The following FRMD5 variants were observed in gnomAD, a reference collection of about 807,000 sequenced individuals.
The protein encoded by FRMD5 is FERM domain-containing protein 5.
In FRMD5, 20 loss-of-function variants were observed where a neutral mutation model predicts 69.0. The ratio of observed to expected loss-of-function variants is 0.29; its 90% CI spans 0.20 to 0.42. FRMD5 has a LOEUF of 0.42. Ranked by LOEUF, FRMD5 falls within the 10% of genes least tolerant of loss-of-function variation. The pLI, the probability that FRMD5 is intolerant of heterozygous loss-of-function variation, is 1.00. For synonymous variants in FRMD5, 271 were observed against 260.1 expected (o/e 1.04, Z -0.40); for missense variants, 595 against 708.6 (o/e 0.84, Z 1.82).
At chr15:43,985,749 G>A (rs1441388284) in intron 1 of FRMD5, among the ~76,000 whole-genome samples, 6 of 152,110 alleles carry the variant, frequency 3.9e-5, no homozygotes, top group Non-Finnish European at 5.9e-5. Context: ...ACAAGCTAGC[G>A]GGGCAAATCA....
chr15:44,185,354 G>T (rs933959225), intron 1 of FRMD5, among the ~76,000 whole-genome samples: 1 of 152,188 alleles, frequency 6.6e-6, no homozygotes, highest in African/African-American at 2.4e-5. Flanking sequence ...GAGCTGAGGG[G>T]CTATTCTGTT....
At chr15:43,919,228 G>C (rs771039546) in intron 4 of FRMD5, 45 of 669,730 alleles carry the variant, frequency 6.7e-5, no homozygotes, top group Non-Finnish European at 9.3e-5. Context: ...ACCAGTTCAA[G>C]AGGTAGTATT....
chr15:44,073,455 A>T (rs1893625040), intron 1 of FRMD5, among the ~76,000 whole-genome samples: 1 of 152,246 alleles, frequency 6.6e-6, no homozygotes. Context: ...TAAATGGATA[A>T]GGACTTGTAA....
chr15:43,934,857 G>A (rs961419397), intron 1 of FRMD5, among the ~76,000 whole-genome samples: 2 of 152,200 alleles, frequency 1.3e-5, no homozygotes, highest in African/African-American at 4.8e-5. Context: ...TTCTATATGC[G>A]AGGGCTTTAG....
chr15:44,177,968 G>A (rs1449464092), intron 1 of FRMD5, among the ~76,000 whole-genome samples: 1 of 152,138 alleles, frequency 6.6e-6, no homozygotes, highest in African/African-American at 2.4e-5. Flanking sequence ...AAAATTCATA[G>A]AACTGTACAG....
chr15:44,042,940 A>G (rs950695814), intron 1 of FRMD5, among the ~76,000 whole-genome samples: 2 of 152,224 alleles, frequency 1.3e-5, no homozygotes, highest in East Asian at 1.9e-4. Flanking sequence ...CAATCAGGCA[A>G]GAGAAAGAAA....
chr15:44,031,154 G>A (rs564412672), intron 1 of FRMD5, among the ~76,000 whole-genome samples: 1 of 151,846 alleles, frequency 6.6e-6, no homozygotes, highest in Admixed American at 6.6e-5. Flanking sequence ...TACCTGCTTG[G>A]GTGATAAAAA....
At chr15:44,093,958 C>T (rs2076513797) in intron 1 of FRMD5, among the ~76,000 whole-genome samples, 1 of 152,092 alleles carries the variant, frequency 6.6e-6, no homozygotes, top group Admixed American at 6.6e-5. Flanking sequence ...ATAATACTTG[C>T]ATTTTTGGGG....
At chr15:43,894,664 T>TGGGAGGGAAGGCAG (rs2088872770) in intron 7 of FRMD5, among the ~76,000 whole-genome samples, 1 of 150,458 alleles carries the variant, frequency 6.6e-6, no homozygotes, top group African/African-American at 2.4e-5. Flanking sequence ...GGAAGGGAGT[T>TGGGAGGGAAGGCAG]GGGAGGGAAG....
chr15:44,003,951 AG>A (rs1473074933), intron 1 of FRMD5, among the ~76,000 whole-genome samples: 56 of 152,234 alleles, frequency 3.7e-4, no homozygotes, highest in African/African-American at 1.4e-3. Context: ...AATGGTGTCC[AG>A]CAAGCTGTAG....
At chr15:43,991,843 T>C (rs1889695142) in intron 1 of FRMD5, among the ~76,000 whole-genome samples, 1 of 152,238 alleles carries the variant, frequency 6.6e-6, no homozygotes, top group African/African-American at 2.4e-5. Flanking sequence ...TCTTTGGAGA[T>C]GGCTCAATAA....
intron 1 of FRMD5, among the ~76,000 whole-genome samples, chr15:44,124,068 T>G (rs1289296585): frequency 6.6e-6 from 1 of 152,166 alleles, no homozygotes; most frequent in Non-Finnish European, 1.5e-5. Context: ...CTTGGCTCAC[T>G]GCAACCTCTG....
At chr15:44,121,588 C>A (rs936459177) in intron 1 of FRMD5, among the ~76,000 whole-genome samples, 3 of 151,948 alleles carry the variant, frequency 2.0e-5, no homozygotes, top group African/African-American at 7.3e-5. Context: ...TCAAGCTTGA[C>A]CCTTTCTCTC....
intron 1 of FRMD5, among the ~76,000 whole-genome samples, chr15:44,092,372 C>T (rs1454784887): frequency 2.6e-5 from 4 of 152,152 alleles, no homozygotes; most frequent in Non-Finnish European, 5.9e-5. Flanking sequence ...TTGGTGCTGC[C>T]AAATTAACGT....
intron 1 of FRMD5, among the ~76,000 whole-genome samples, chr15:44,178,139 T>C (rs2077932470): frequency 6.6e-6 from 1 of 152,004 alleles, no homozygotes; most frequent in South Asian, 2.1e-4. Flanking sequence ...CTGGCCAACA[T>C]AGTGAAACTC....
intron 1 of FRMD5, among the ~76,000 whole-genome samples, chr15:43,986,893 T>C (rs567251103): frequency 1.2e-4 from 18 of 152,142 alleles, no homozygotes; most frequent in Non-Finnish European, 2.1e-4. Context: ...TCATTTTGTG[T>C]CTCTGTTGCA....
At chr15:44,094,450 A>G (rs2076522050) in intron 1 of FRMD5, among the ~76,000 whole-genome samples, 1 of 152,172 alleles carries the variant, frequency 6.6e-6, no homozygotes, top group African/African-American at 2.4e-5. Flanking sequence ...TCAGACACCT[A>G]CAACCCATTA....
At chr15:44,038,540 T>TTTTTTTTTTTA (rs1555397090) in intron 1 of FRMD5, among the ~76,000 whole-genome samples, 1 of 146,608 alleles carries the variant, frequency 6.8e-6, no homozygotes, top group African/African-American at 2.5e-5. Context: ...TTTTTTTTTT[T>TTTTTTTTTTTA]ATAACAATTC....
At chr15:43,888,327 G>A in intron 9 of FRMD5, 61 bp from the exon 10 acceptor site, 1 of 1,199,190 alleles carries the variant, frequency 8.3e-7, no homozygotes, top group Non-Finnish European at 1.2e-6. Context: ...GGTGAAGTAG[G>A]CGAGGACCCT....
Sources: gnomAD v4.1 joint callset for allele counts (sites outside exome capture counted in the v4.1 genomes callset) on GRCh38, gnomAD v4.1.1 for gene constraint, MANE v1.5 for transcripts, NCBI Gene and HGNC (gene_info 2026-07-23, HGNC 2026-07-21) for gene names.